Variants in DMD observed in about 807,000 individuals in gnomAD.
The protein encoded by DMD is mutant dystrophin.
DMD carries 63 observed loss-of-function variants against 330.1 expected under a neutral mutation model. The observed-to-expected ratio is 0.19, with a 90% CI of 0.16 to 0.24. The LOEUF (loss-of-function observed/expected upper bound fraction) is 0.24, where lower values mean the gene tolerates loss of function less well. DMD is among the 10% of genes least tolerant of loss of function. The pLI is 1.00. For missense variants in DMD, 3,344 were observed against 2,684.1 expected (o/e 1.25, Z -5.43); for synonymous variants, 1,223 against 959.8 (o/e 1.27, Z -5.07).
intron 62 of DMD, among the ~76,000 whole-genome samples, chrX:31,278,824 G>T (rs1457404445): frequency 8.9e-6 from 1 of 111,965 alleles, no homozygotes; most frequent in Non-Finnish European, 1.9e-5. Context: ...ACATTTTAGG[G>T]CTGGATGGTC....
At chrX:32,313,106 G>C (rs1384550664) in intron 41 of DMD, among the ~76,000 whole-genome samples, 1 of 108,798 alleles carries the variant, frequency 9.2e-6, no homozygotes, top group Non-Finnish European at 1.9e-5. Flanking sequence ...GCAGCATCCT[G>C]ATACCAAAAC....
intron 49 of DMD, among the ~76,000 whole-genome samples, chrX:31,823,838 C>T (rs1051841001): frequency 2.7e-5 from 3 of 111,239 alleles, no homozygotes; most frequent in East Asian, 2.8e-4. Flanking sequence ...CCTCCCAAAG[C>T]GCTGGAATTA....
intron 55 of DMD, among the ~76,000 whole-genome samples, chrX:31,592,846 A>G (rs572489213): frequency 1.6e-3 from 172 of 110,782 alleles, no homozygotes; most frequent in African/African-American, 5.2e-3. Context: ...ATATTATTAA[A>G]GGTAGTTATG....
At position 32,044,928 on chromosome X, in the gene DMD, T is replaced by C. The variant is rs182421635; in HGVS notation, c.6439-76414A>G. Reference sequence around the variant, plus strand: ...ATATAACTGGACATGAGCCCTGATATAGTTTGGATATTTGCCGCCACTCAA... The same window carrying C: ...ATATAACTGGACATGAGCCCTGATACAGTTTGGATATTTGCCGCCACTCAA... On this transcript the variant is annotated intron_variant, in intron 44 of 78. Coordinates refer to ENST00000357033, the MANE Select transcript of DMD (RefSeq NM_004006.3). Among the ~76,000 whole-genome samples the C allele has an allele frequency of 1.8e-4, 20 of 111,727 alleles. No homozygotes were observed. The East Asian group carries it at 5.6e-3, about 32-fold the overall frequency.
At chrX:31,886,128 T>A (rs1484720767) in intron 47 of DMD, among the ~76,000 whole-genome samples, 1 of 111,054 alleles carries the variant, frequency 9.0e-6, no homozygotes, top group African/African-American at 3.3e-5. Flanking sequence ...TTTCAAAAAA[T>A]TTAATGTAAA....
intron 44 of DMD, among the ~76,000 whole-genome samples, chrX:32,025,008 A>T (rs1398309539): frequency 9.0e-6 from 1 of 111,616 alleles, no homozygotes; most frequent in African/African-American, 3.3e-5. Context: ...ATCAGAGTGC[A>T]TTTAGTTGAA....
chrX:32,938,433 C>T (rs770019994), intron 2 of DMD, among the ~76,000 whole-genome samples: 21 of 111,228 alleles, frequency 1.9e-4, no homozygotes, highest in African/African-American at 6.5e-4. Context: ...GTGAGGAACA[C>T]TTTATACTCT....
intron 55 of DMD, among the ~76,000 whole-genome samples, chrX:31,515,289 T>C (rs146224696): frequency 0.027 from 3,031 of 111,654 alleles, 42 homozygotes; most frequent in Non-Finnish European, 0.045. Flanking sequence ...TTTCCTTTCC[T>C]ATGTAAATGG....
chrX:33,291,824 C>A (rs1340269065), intron 1 of DMD, among the ~76,000 whole-genome samples: 1 of 111,362 alleles, frequency 9.0e-6, no homozygotes, highest in East Asian at 2.8e-4. Context: ...TATACTGAAA[C>A]AATTCAATAA....
At chrX:33,317,781 T>C (rs1466457348) in intron 1 of DMD, among the ~76,000 whole-genome samples, 1 of 111,815 alleles carries the variant, frequency 8.9e-6, no homozygotes, top group Non-Finnish European at 1.9e-5. Context: ...GGAATCTGTC[T>C]AGTTTCAGCC....
chrX:32,844,628 G>T (rs2148983215), intron 4 of DMD, among the ~76,000 whole-genome samples, 155 bp downstream of exon 4: 1 of 111,067 alleles, frequency 9.0e-6, no homozygotes, highest in East Asian at 2.9e-4. Flanking sequence ...GCCACAATCA[G>T]GCATACACGA....
At chrX:33,213,246 G>A (rs774054276), upstream of DMD, among the ~76,000 whole-genome samples, 1 of 111,676 alleles carries the variant, frequency 9.0e-6, no homozygotes, top group Non-Finnish European at 1.9e-5. Flanking sequence ...CCTGGGTAAT[G>A]TCTAAAGCAC....
chrX:32,094,456 G>A (rs2096493528), intron 44 of DMD, among the ~76,000 whole-genome samples: 1 of 111,892 alleles, frequency 8.9e-6, no homozygotes, highest in Non-Finnish European at 1.9e-5. Flanking sequence ...TGGCAAATAT[G>A]TAATATCAAT....
rs142864907 is a variant in DMD, at chrX:31,145,042, C to T, written c.10921+1249G>A. ...TAAGAATGAGAACAGAACATGTGGA[C>T]CATTTCCTCAACAAATTCATCCAAC... On this transcript the variant is annotated intron_variant, in intron 76 of 78. Transcript: ENST00000357033. 8.1e-4 allele frequency among the ~76,000 whole-genome samples: 91 copies of T among 112,127 alleles called. 1 individual carries two copies. In the East Asian group the frequency reaches 0.022, roughly 28 times the overall value.
intron 44 of DMD, among the ~76,000 whole-genome samples, chrX:32,007,702 G>C (rs1440487926): frequency 9.1e-6 from 1 of 110,468 alleles, no homozygotes. Context: ...GGGGGGACGT[G>C]GTGGGGAGAA....
chrX:33,271,492 C>G (rs750059945), intron 1 of DMD, among the ~76,000 whole-genome samples: 2 of 111,491 alleles, frequency 1.8e-5, no homozygotes, highest in East Asian at 5.7e-4. Context: ...CAAGGCTGGG[C>G]GCGGTGGCTC....
intron 55 of DMD, among the ~76,000 whole-genome samples, chrX:31,542,609 G>T (rs2073897043): frequency 8.9e-6 from 1 of 112,116 alleles, no homozygotes; most frequent in Admixed American, 9.4e-5. Flanking sequence ...TACTCCCACA[G>T]GTTGGAGTAA....
At position 31,173,552 on chromosome X, in the gene DMD, G is replaced by A; in HGVS notation, c.10315C>T (p.His3439Tyr). The A allele has an allele frequency of 8.3e-7, 1 of 1,209,962 alleles. No homozygotes were observed. Reference protein sequence around the residue: ...SHDDTHSRIEHYASRLAEMEN... With the variant: ...SHDDTHSRIEYYASRLAEMEN... ...CTAGTCTCATACCTGCTAGCATAATGTTCAATGCGTGAATGAGTATCATCG... is the reference window on the plus strand; with the variant it reads ...CTAGTCTCATACCTGCTAGCATAATATTCAATGCGTGAATGAGTATCATCG... The change falls in exon 72 of 79, where the codon CAT (histidine) becomes TAT (tyrosine). Residue 3439 changes from histidine to tyrosine, a missense_variant. His to Tyr is a moderately conservative substitution (Grantham distance 83, BLOSUM62 2). Coordinates refer to ENST00000357033, the MANE Select transcript of DMD (RefSeq NM_004006.3).
intron 52 of DMD, among the ~76,000 whole-genome samples, chrX:31,707,543 G>A (rs1248858130): frequency 1.8e-5 from 2 of 110,471 alleles, no homozygotes; most frequent in Admixed American, 9.7e-5. Flanking sequence ...GATGGGATCC[G>A]TACTCCAAAC....
Sources: gnomAD v4.1 joint callset for allele counts (sites outside exome capture counted in the v4.1 genomes callset) on GRCh38, gnomAD v4.1.1 for gene constraint, MANE v1.5 for transcripts, NCBI Gene and HGNC (gene_info 2026-07-23, HGNC 2026-07-21) for gene names.